Variants in RECK observed in about 807,000 individuals in gnomAD.
RECK encodes the protein reversion inducing cysteine rich protein with kazal motifs.
RECK carries 69 observed loss-of-function variants against 115.1 expected under a neutral mutation model. That is an observed-to-expected ratio of 0.60 (90% CI 0.49 to 0.73). The LOEUF (loss-of-function observed/expected upper bound fraction) is 0.73, where lower values mean the gene tolerates loss of function less well. Among genes scored for constraint, RECK ranks in the 30% least tolerant of loss-of-function variants. The pLI is 0.00. For synonymous variants in RECK, 414 were observed against 419.7 expected (o/e 0.99, Z 0.17); for missense variants, 1,047 against 1,203.7 (o/e 0.87, Z 1.93).
chr9:36,091,657 G>C (rs1387890588), intron 10 of RECK, among the ~76,000 whole-genome samples: 5 of 152,250 alleles, frequency 3.3e-5, no homozygotes, highest in South Asian at 2.1e-4. Flanking sequence ...GAACTATTTG[G>C]TCATCCAAAT....
Position 36,100,236 on chromosome 9 carries a change from A to AT in RECK, c.1086-90dup, listed in dbSNP as rs1324949887. 117 of 976,748 alleles carry AT rather than the reference A, an allele frequency of 1.2e-4. 1 individual carries two copies. Among genetic ancestry groups the AT allele is most frequent in the Non-Finnish European group, 6.1e-6 (4 of 650,774 alleles). The allele number at this position is 976,748 out of a possible 1,614,324, so 60.5% of individuals were successfully genotyped here. A position where few individuals can be genotyped will look rare whatever the true frequency, so the allele number is the denominator to read the frequency against. On this transcript the variant is annotated intron_variant, in intron 10 of 20. Transcript: ENST00000377966. ...GTATGTGCTTTCTTAAGAAAACCAG[A>AT]TTTTTCTGATGCATTAGTATGTCAG...
chr9:36,083,243 C>T (rs370634952), intron 7 of RECK, 122 bp from the exon 8 acceptor site: 9 of 1,006,080 alleles, frequency 8.9e-6, no homozygotes, highest in South Asian at 6.5e-5. Context: ...AAGTGTTCAT[C>T]GTCTGTGGCA....
Position 36,122,832 on chromosome 9 carries a change from C to A in RECK, c.2703C>A (p.Ala901=), listed in dbSNP as rs747072094. The A allele has an allele frequency of 3.7e-6, 6 of 1,613,776 alleles. No homozygotes were observed. The South Asian group carries it at 6.6e-5, about 18-fold the overall frequency. ...DHYPKALQIE[A]CNKEAEKIES... is the part of the protein sequence containing the mutation. ...CTTGTTTCTCCTCACAGATTGAAGC[C>A]TGCAATAAAGAAGCAGAGAAGATTG... Residue 901 remains alanine, a synonymous_variant, in exon 21 of 21, where the codon GCC becomes GCA. Transcript: ENST00000377966.
chr9:36,108,271 A>T (rs1318173261), intron 14 of RECK, 107 bp downstream of exon 14: 1 of 795,824 alleles, frequency 1.3e-6, no homozygotes, highest in Admixed American at 3.1e-5. Context: ...TGCATATCAG[A>T]TACTCCAGGG....
chr9:36,045,715 A>C (rs975342696), intron 1 of RECK, among the ~76,000 whole-genome samples: 1 of 151,374 alleles, frequency 6.6e-6, no homozygotes, highest in Non-Finnish European at 1.5e-5. Context: ...AATTCTATGG[A>C]TATTTCTTAG....
In RECK at chr9:36,080,619, T is replaced by A; in HGVS notation, c.420T>A (p.Ser140Arg). The change falls in exon 7 of 21, where the codon AGT becomes AGA. Residue 140 changes from serine (S) to arginine (R), a missense_variant. Coordinates refer to ENST00000377966, the MANE Select transcript of RECK (RefSeq NM_021111.3). The stretch of plus-strand genomic sequence containing the variant: ...TCAATTTACAGAATGCTCTTTTCAG[T>A]TGCATTAGCAGAAATGAAAGTAAGT... ...CRKEYENALF[S>R]CISRNEMGSV... 6.2e-7 allele frequency: 1 copy of A among 1,609,626 alleles called. No homozygotes were observed. The highest frequency in any genetic ancestry group is 8.5e-7 in the Non-Finnish European group (1 of 1,177,530).
intron 16 of RECK, among the ~76,000 whole-genome samples, chr9:36,115,175 C>T (rs1292704517): frequency 1.3e-5 from 2 of 151,956 alleles, no homozygotes; most frequent in Admixed American, 6.6e-5. Flanking sequence ...ATTAGCTGGG[C>T]GTGGTGGCAC....
In RECK at chr9:36,122,998, C is replaced by T. The variant is rs142634835; in HGVS notation, c.2869C>T (p.Pro957Ser). Reference protein sequence around the residue: ...ARPSCHSLLLPLSLGLALHLL... With the variant: ...ARPSCHSLLLSLSLGLALHLL... Reference sequence around the variant, plus strand: ...GCCTTCTTGCCACTCCCTCCTCCTTCCCCTCAGCTTGGGCCTTGCCTTGCA... The same window carrying T: ...GCCTTCTTGCCACTCCCTCCTCCTTTCCCTCAGCTTGGGCCTTGCCTTGCA... Residue 957 changes from proline (P) to serine (S), a missense_variant, in exon 21 of 21, where the codon CCC becomes TCC. Pro to Ser is a moderately conservative substitution (Grantham distance 74). Transcript: ENST00000377966. The T allele has an allele frequency of 2.7e-4, 430 of 1,614,152 alleles. No individual in the cohort carries two copies. The African/African-American group carries it at 5.0e-3, about 19-fold the overall frequency.
intron 16 of RECK, among the ~76,000 whole-genome samples, chr9:36,116,125 C>CTTTT (rs11313050): frequency 1.6e-5 from 2 of 124,462 alleles, no homozygotes; most frequent in Non-Finnish European, 3.3e-5. Flanking sequence ...AGAGTGAGGC[C>CTTTT]TTTTTTTTTT....
intron 1 of RECK, among the ~76,000 whole-genome samples, chr9:36,044,874 A>G (rs1821012041): frequency 6.6e-6 from 1 of 152,148 alleles, no homozygotes; most frequent in African/African-American, 2.4e-5. Context: ...CTAGAGAAAG[A>G]CTTTGAAATT....
chr9:36,057,796 G>A (rs958411442), intron 2 of RECK, among the ~76,000 whole-genome samples: 4 of 152,154 alleles, frequency 2.6e-5, no homozygotes, highest in African/African-American at 9.7e-5. Flanking sequence ...ACCCCAGCCT[G>A]GGTGATAGAA....
At chr9:36,063,535 C>T (rs2132587575) in intron 4 of RECK, among the ~76,000 whole-genome samples, 1 of 152,162 alleles carries the variant, frequency 6.6e-6, no homozygotes, top group South Asian at 2.1e-4. Context: ...GTGAGAATGA[C>T]TTAAAGAGCA....
chr9:36,091,343 G>T lies in RECK; in HGVS notation c.1085G>T (p.Arg362Met). The T allele has an allele frequency of 2.0e-6, 3 of 1,475,466 alleles. No homozygotes were observed. Among genetic ancestry groups the T allele is most frequent in the Non-Finnish European group, 1.8e-6 (2 of 1,111,686 alleles). 91.4% of individuals were successfully genotyped at this position (1,475,466 alleles called of 1,614,324 possible). A position where few individuals can be genotyped will look rare whatever the true frequency, so the allele number is the denominator to read the frequency against. Residue 362 changes from arginine to methionine, a missense_variant and splice_region_variant, in exon 10 of 21, where the codon AGG (arginine) becomes ATG (methionine). Transcript: ENST00000377966. ...ACTTACTGTACTAATTTTAACAACA[G>T]GTAAGACAAATTATTATACATGGAA... is the stretch of plus-strand genomic sequence containing the variant. Reference protein sequence around the residue: ...NLTYCTNFNNRPTELFRSCNA... With the variant: ...NLTYCTNFNNMPTELFRSCNA...
chr9:36,114,770 G>A (rs535118527), intron 16 of RECK, among the ~76,000 whole-genome samples: 2 of 152,074 alleles, frequency 1.3e-5, no homozygotes, highest in Non-Finnish European at 2.9e-5. Flanking sequence ...GCTTGAACCC[G>A]GGAGACAGAG....
chr9:36,105,470 C>T (rs1272894985), intron 13 of RECK, among the ~76,000 whole-genome samples, 187 bp downstream of exon 13: 28 of 152,050 alleles, frequency 1.8e-4, no homozygotes, highest in Admixed American at 1.8e-3. Context: ...TCTCATTAAA[C>T]ATGTATTATT....
intron 7 of RECK, among the ~76,000 whole-genome samples, chr9:36,082,371 A>G (rs921347561): frequency 1.3e-5 from 2 of 152,046 alleles, no homozygotes; most frequent in African/African-American, 2.4e-5. Context: ...TTAGGTATAG[A>G]TGGGGTTTCA....
intron 8 of RECK, among the ~76,000 whole-genome samples, chr9:36,083,839 A>G (rs572078517): frequency 6.6e-6 from 1 of 152,196 alleles, no homozygotes; most frequent in Admixed American, 6.5e-5. Context: ...GGTAATGACC[A>G]TTAGGATTTC....
At chr9:36,058,990 G>A in intron 3 of RECK, 89 bp downstream of exon 3, 2 of 821,836 alleles carry the variant, frequency 2.4e-6, no homozygotes, top group South Asian at 2.7e-5. Context: ...ATTTTTAAAT[G>A]TGATTGGAAT....
chr9:36,100,352 T>C lies in RECK; in HGVS notation c.1107T>C (p.Ser369=), dbSNP rs1823512804. The change falls in exon 11 of 21, where the codon AGT becomes AGC. Residue 369 remains serine, a synonymous_variant. Coordinates refer to ENST00000377966, the MANE Select transcript of RECK (RefSeq NM_021111.3). The stretch of plus-strand genomic sequence containing the variant: ...TTAGGCCAACAGAACTTTTCAGGAG[T>C]TGTAATGCACAGTCAGATCAAGGAG... The part of the protein sequence containing the change: ...FNNRPTELFR[S]CNAQSDQGAM... 3 of 1,613,994 alleles carry C rather than the reference T, an allele frequency of 1.9e-6. No individual in the cohort carries two copies. In the African/African-American group the frequency reaches 4.0e-5, roughly 22 times the overall value.
Sources: allele counts gnomAD v4.1 joint callset (sites outside exome capture counted in the v4.1 genomes callset), GRCh38; gene constraint gnomAD v4.1.1; transcripts MANE v1.5; gene names NCBI Gene and HGNC (gene_info 2026-07-23, HGNC 2026-07-21).